The following SACS variants were observed in gnomAD, a reference collection of about 807,000 sequenced individuals.
SACS encodes sacsin molecular chaperone, also known as sacsin.
Under a neutral mutation model 348.0 loss-of-function variants are expected in SACS, and 197 were observed. The ratio of observed to expected loss-of-function variants is 0.57; its 90% CI spans 0.50 to 0.64. SACS has a LOEUF of 0.64. SACS is among the 30% of genes least tolerant of loss of function. The pLI is 0.00. For missense variants in SACS, 4,999 were observed against 5,360.8 expected, an observed-to-expected ratio of 0.93 and a Z score of 2.11; for synonymous variants, 1,985 against 1,910.6, an observed-to-expected ratio of 1.04 and a Z score of -1.02.
At chr13:23,388,983 T>C (rs547081720) in intron 2 of SACS, among the ~76,000 whole-genome samples, 2 of 152,288 alleles carry the variant, frequency 1.3e-5, no homozygotes, top group Non-Finnish European at 2.9e-5. Context: ...TTTTAATCCA[T>C]GTATTCAAAA....
At chr13:23,368,651 A>G in intron 4 of SACS, among the ~76,000 whole-genome samples, 164 bp from the exon 5 acceptor site, 1 of 152,250 alleles carries the variant, frequency 6.6e-6, no homozygotes, top group Non-Finnish European at 1.5e-5. Context: ...GCAATTCAGC[A>G]GAAAGTAAAG....
At chr13:23,401,020 C>T (rs1872953557) in intron 2 of SACS, among the ~76,000 whole-genome samples, 1 of 152,056 alleles carries the variant, frequency 6.6e-6, no homozygotes, top group Admixed American at 6.6e-5. Flanking sequence ...TGCTAGGTTA[C>T]ATTCAAATGG....
At position 23,331,052 on chromosome 13, in the gene SACS, C is replaced by G; in HGVS notation, c.12824G>C (p.Ser4275Thr). 1 of 1,614,058 alleles carries G rather than the reference C, an allele frequency of 6.2e-7. No homozygotes were observed. Among genetic ancestry groups the G allele is most frequent in the South Asian group, 1.1e-5 (1 of 91,080 alleles). The change falls in exon 10 of 10, where the codon AGC becomes ACC. Residue 4275 changes from serine to threonine, a missense_variant. This residue lies in a region of SACS where 831 missense variants were observed against 941.8 expected (regional missense o/e 0.88). Coordinates refer to ENST00000382292, the MANE Select transcript of SACS (RefSeq NM_014363.6). ...TCTACCAGAGAAAAGAGGAGGAATG[C>G]TTCTCAGGCCAGGGGTGAGGAACTC... ...PTEFLTPGLR[S>T]IPPLFSGRES...
intron 6 of SACS, among the ~76,000 whole-genome samples, chr13:23,364,194 T>A (rs1870920975): frequency 6.6e-6 from 1 of 152,204 alleles, no homozygotes; most frequent in African/African-American, 2.4e-5. Flanking sequence ...GCCTCCTAAA[T>A]CATAAAACAT....
intron 2 of SACS, among the ~76,000 whole-genome samples, chr13:23,407,355 C>A (rs551163420): frequency 6.6e-6 from 1 of 152,248 alleles, no homozygotes; most frequent in Admixed American, 6.5e-5. Context: ...CCTGCCACCA[C>A]GCCCGGCTAA....
chr13:23,376,281 A>C (rs1871798953), intron 2 of SACS, among the ~76,000 whole-genome samples: 1 of 152,178 alleles, frequency 6.6e-6, no homozygotes, highest in African/African-American at 2.4e-5. Flanking sequence ...GCCCCACGAT[A>C]AGTAAAGTTG....
At chr13:23,394,172 A>T (rs769944859) in intron 2 of SACS, among the ~76,000 whole-genome samples, 5 of 152,206 alleles carry the variant, frequency 3.3e-5, no homozygotes, top group Non-Finnish European at 5.9e-5. Context: ...GGGAGAGGTG[A>T]GGTGCTGGAG....
intron 2 of SACS, among the ~76,000 whole-genome samples, chr13:23,393,508 G>A (rs1230705837): frequency 6.6e-6 from 1 of 152,062 alleles, no homozygotes; most frequent in Non-Finnish European, 1.5e-5. Flanking sequence ...GCTCGTCCCT[G>A]GCTGTGCTTG....
chr13:23,330,556 C>A lies in SACS; in HGVS notation c.13320G>T (p.Ser4440=), dbSNP rs759847087. 3 of 1,614,006 alleles carry A rather than the reference C, an allele frequency of 1.9e-6. No homozygotes were observed. The highest frequency in any genetic ancestry group is 1.1e-5 in the South Asian group (1 of 91,062). The change falls in exon 10 of 10, where the codon TCG becomes TCT. Residue 4440 remains serine, a synonymous_variant. Coordinates refer to ENST00000382292, the MANE Select transcript of SACS (RefSeq NM_014363.6). The stretch of plus-strand genomic sequence containing the variant: ...TGCGTGCTTCCACTGGATTGCCAAC[C>A]GACTTGAAAGTGGGAGGAACAAAGA... The part of the protein sequence containing the change: ...QRFFVPPTFK[S]VGNPVEARRW...
chr13:23,378,512 G>T (rs1871905543), intron 2 of SACS, among the ~76,000 whole-genome samples: 1 of 151,682 alleles, frequency 6.6e-6, no homozygotes, highest in Non-Finnish European at 1.5e-5. Flanking sequence ...GTCTCGCTCT[G>T]TCGCCCAGGC....
chr13:23,338,337 C>A lies in SACS; in HGVS notation c.5539G>T (p.Gly1847Trp). The change falls in exon 10 of 10, where the codon GGG becomes TGG. Residue 1847 changes from glycine to tryptophan, a missense_variant. By Grantham distance (184) the Gly-to-Trp change is radical. Coordinates refer to ENST00000382292, the MANE Select transcript of SACS (RefSeq NM_014363.6). ...SGRRLGLVPCGAVGVQLSEIQ... is the reference protein window; with the variant it reads ...SGRRLGLVPCWAVGVQLSEIQ... ...TCTGACAGCTGAACTCCTACTGCCCCACATGGAACCAGTCCTAGTCTTCTT... is the reference window on the plus strand; with the variant it reads ...TCTGACAGCTGAACTCCTACTGCCCAACATGGAACCAGTCCTAGTCTTCTT... 6.2e-7 allele frequency: 1 copy of A among 1,614,116 alleles called. No homozygotes were observed. The highest frequency in any genetic ancestry group is 1.7e-5 in the Admixed American group (1 of 60,032).
intron 7 of SACS, among the ~76,000 whole-genome samples, chr13:23,356,566 G>T (rs1870405705): frequency 6.6e-6 from 1 of 152,220 alleles, no homozygotes; most frequent in African/African-American, 2.4e-5. Context: ...CCTAATTACA[G>T]TATTGAAAGA....
chr13:23,337,199 G>C lies in SACS; in HGVS notation c.6677C>G (p.Ser2226Cys). ...AAAACTGTTGCCTTTCCAGTCCAAA[G>C]AAAAACCTGCTGGTTTTGTCAGAAA... ...LPFLTKPAGF[S>C]LDWKGNSFKP... is the part of the protein sequence containing the mutation. The change falls in exon 10 of 10, where the codon TCT becomes TGT. Residue 2226 changes from serine to cysteine, a missense_variant. Around this residue, in one of 6 missense-constraint regions of SACS, gnomAD observed 3,156 missense variants for 3,380.1 expected, o/e 0.93. Transcript: ENST00000382292. 1 of 1,613,918 alleles carries C rather than the reference G, an allele frequency of 6.2e-7. No individual in the cohort carries two copies. The highest frequency in any genetic ancestry group is 8.5e-7 in the Non-Finnish European group (1 of 1,179,868).
intron 9 of SACS, among the ~76,000 whole-genome samples, chr13:23,344,503 TA>T (rs1269424899): frequency 6.6e-6 from 1 of 152,204 alleles, no homozygotes; most frequent in Non-Finnish European, 1.5e-5. Context: ...CCGGTATACG[TA>T]AATTAAGTCA....
rs797045937 is a variant in SACS, at chr13:23,354,691, GGT to G, written c.1919_1920del (p.His640ProfsTer5). ...WVRQVLRKCAHLGCAEEKLHL... is the reference protein window; with the variant it reads ...WVRQVLRKCAXLGCAEEKLHL... The stretch of plus-strand genomic sequence containing the variant: ...TGAAGCTTTTCTTCAGCACAGCCCA[GGT>G]GTGCACACTTCCGCAGCACCTGCCG... On this transcript the variant is annotated frameshift_variant, in exon 8 of 10. Transcript: ENST00000382292. LOFTEE classifies it high-confidence loss of function. 6.2e-7 allele frequency: 1 copy of G among 1,614,102 alleles called. No individual in the cohort carries two copies. Among genetic ancestry groups the G allele is most frequent in the Non-Finnish European group, 8.5e-7 (1 of 1,180,000 alleles).
chr13:23,393,686 G>T (rs1395854906), intron 2 of SACS, among the ~76,000 whole-genome samples: 2 of 152,194 alleles, frequency 1.3e-5, no homozygotes, highest in African/African-American at 4.8e-5. Context: ...TTTTCTGAGT[G>T]ATAGGAGTGT....
intron 2 of SACS, among the ~76,000 whole-genome samples, chr13:23,382,598 A>G (rs1872105572): frequency 6.6e-6 from 1 of 152,224 alleles, no homozygotes; most frequent in South Asian, 2.1e-4. Context: ...GCAAATAATA[A>G]TATTCAAATG....
At chr13:23,368,874 T>C (rs1483562723) in intron 4 of SACS, among the ~76,000 whole-genome samples, 4 of 152,082 alleles carry the variant, frequency 2.6e-5, no homozygotes, top group African/African-American at 4.8e-5. Context: ...AATTTTTTTG[T>C]ATTTTTAGTA....
intron 9 of SACS, among the ~76,000 whole-genome samples, chr13:23,346,178 CT>C (rs1334123316): frequency 6.6e-6 from 1 of 152,202 alleles, no homozygotes; most frequent in Non-Finnish European, 1.5e-5. Flanking sequence ...CAGAGTCCCG[CT>C]CTGTCGCCCA....
Sources: allele counts gnomAD v4.1 joint callset (sites outside exome capture counted in the v4.1 genomes callset), GRCh38; gene constraint gnomAD v4.1.1; regional missense constraint gnomAD v4.1.1; transcripts MANE v1.5; gene names NCBI Gene and HGNC (gene_info 2026-07-23, HGNC 2026-07-21).